The following POU6F2 variants were observed in gnomAD, a reference collection of about 807,000 sequenced individuals.
POU6F2 encodes the protein POU domain, class 6, transcription factor 2.
POU6F2 carries 31 observed loss-of-function variants against 71.3 expected under a neutral mutation model. The ratio of observed to expected loss-of-function variants is 0.43; its 90% CI spans 0.33 to 0.59. POU6F2 has a LOEUF of 0.59. Among genes scored for constraint, POU6F2 ranks in the 20% least tolerant of loss-of-function variants. The probability of loss-of-function intolerance (pLI) is 0.04; values close to 1 mark genes in which losing one functional copy is unlikely to be tolerated. For missense variants in POU6F2, 783 were observed against 856.8 expected (o/e 0.91, Z 1.07); for synonymous variants, 347 against 355.7 (o/e 0.98, Z 0.27).
intron 4 of POU6F2, among the ~76,000 whole-genome samples, chr7:39,327,678 A>G (rs1785539633): frequency 6.6e-6 from 1 of 151,998 alleles, no homozygotes; most frequent in South Asian, 2.1e-4. Context: ...TATAAAATAT[A>G]TAAATCATAT....
intron 8 of POU6F2, among the ~76,000 whole-genome samples, chr7:39,458,492 G>T (rs1273317739): frequency 6.6e-6 from 1 of 151,960 alleles, no homozygotes; most frequent in Non-Finnish European, 1.5e-5. Context: ...AAAAGGGCTC[G>T]AGACTGCGAC....
At position 39,373,341 on chromosome 7, in the gene POU6F2, T is replaced by C. The variant is rs557795172; in HGVS notation, c.973-33259T>C. On this transcript the variant is annotated intron_variant, in intron 5 of 9. Transcript: ENST00000518318. Reference sequence around the variant, plus strand: ...TCCACAGATTGTAAGTGCTAGAAGATCGACTGATTGACCTACGAGGCTGAC... The same window carrying C: ...TCCACAGATTGTAAGTGCTAGAAGACCGACTGATTGACCTACGAGGCTGAC... 4.7e-5 allele frequency: 20 copies of C among 428,606 alleles called. 1 individual carries two copies. The highest frequency in any genetic ancestry group is 3.4e-4 in the South Asian group (20 of 59,390). 26.6% of individuals were successfully genotyped at this position (428,606 alleles called of 1,614,324 possible).
intron 4 of POU6F2, among the ~76,000 whole-genome samples, chr7:39,255,433 G>A (rs536516808): frequency 6.6e-6 from 1 of 152,036 alleles, no homozygotes; most frequent in East Asian, 1.9e-4. Context: ...TTCGTGTTAC[G>A]ACTCAGGACA....
Position 39,070,643 on chromosome 7 carries a change from C to T in POU6F2, c.106-15217C>T, listed in dbSNP as rs534713584. On this transcript the variant is annotated intron_variant, in intron 1 of 9. Coordinates refer to ENST00000518318, the MANE Select transcript of POU6F2 (RefSeq NM_001370959.1). ...GAGGGCACTAAACAGGCCTCCAGCG[C>T]AGGGCCTTTCCCTCCACATGGCCTT... Among the ~76,000 whole-genome samples, 4 of 152,188 alleles carry T rather than the reference C, an allele frequency of 2.6e-5. No homozygotes were observed. The East Asian group carries it at 5.8e-4, about 22-fold the overall frequency.
intron 2 of POU6F2, among the ~76,000 whole-genome samples, chr7:39,158,513 G>A (rs926242209): frequency 2.0e-5 from 3 of 152,138 alleles, no homozygotes; most frequent in Non-Finnish European, 2.9e-5. Flanking sequence ...ATCTGCAAGC[G>A]GGATAACCAG....
At chr7:39,314,840 C>A (rs1785232441) in intron 4 of POU6F2, among the ~76,000 whole-genome samples, 1 of 151,768 alleles carries the variant, frequency 6.6e-6, no homozygotes, top group Admixed American at 6.6e-5. Flanking sequence ...CTGCTTAAGC[C>A]CAACTGAGGT....
chr7:39,039,059 A>G (rs1236188561), intron 1 of POU6F2, among the ~76,000 whole-genome samples: 1 of 152,026 alleles, frequency 6.6e-6, no homozygotes, highest in Admixed American at 6.6e-5. Flanking sequence ...AATTCACATA[A>G]GTTTTGTTGG....
chr7:39,316,395 C>T (rs1433620031), intron 4 of POU6F2, among the ~76,000 whole-genome samples: 2 of 152,096 alleles, frequency 1.3e-5, no homozygotes, highest in Admixed American at 1.3e-4. Flanking sequence ...ATCCAGGGAC[C>T]CACATGCGAA....
chr7:39,450,302 C>G (rs1046241480), intron 7 of POU6F2, among the ~76,000 whole-genome samples: 1 of 152,104 alleles, frequency 6.6e-6, no homozygotes, highest in African/African-American at 2.4e-5. Context: ...CAGGCTGATT[C>G]CTTTTTACAA....
At chr7:39,228,093 C>T (rs961291459) in intron 4 of POU6F2, among the ~76,000 whole-genome samples, 6 of 152,292 alleles carry the variant, frequency 3.9e-5, no homozygotes, top group Non-Finnish European at 8.8e-5. Context: ...TTGTTTGACT[C>T]ACAATATCTG....
intron 2 of POU6F2, among the ~76,000 whole-genome samples, chr7:39,176,952 G>C (rs1793342928): frequency 6.6e-6 from 1 of 152,168 alleles, no homozygotes; most frequent in Non-Finnish European, 1.5e-5. Context: ...CTTGCCCATA[G>C]AAAGTCACAG....
chr7:39,393,840 A>G (rs1477955873), intron 5 of POU6F2, among the ~76,000 whole-genome samples: 1 of 152,210 alleles, frequency 6.6e-6, no homozygotes, highest in Admixed American at 6.5e-5. Flanking sequence ...GATATTATGC[A>G]TAACATTTGT....
chr7:39,002,205 A>G (rs1292206414), intron 1 of POU6F2: 1 of 152,204 alleles, frequency 6.6e-6, no homozygotes, highest in African/African-American at 2.4e-5. Flanking sequence ...ATTTTCTTTG[A>G]TAGGTAATGA....
chr7:39,123,903 A>G (rs557151943), intron 2 of POU6F2, among the ~76,000 whole-genome samples: 15 of 152,232 alleles, frequency 9.9e-5, no homozygotes, highest in Non-Finnish European at 2.1e-4. Context: ...TAACAAAAGT[A>G]TTTGTATACA....
Position 39,139,934 on chromosome 7 carries a change from G to T in POU6F2, c.277+53903G>T, listed in dbSNP as rs185226290. Among the ~76,000 whole-genome samples, 507 of 152,310 alleles carry T rather than the reference G, an allele frequency of 3.3e-3. 3 individuals carry two copies. The highest frequency in any genetic ancestry group is 4.4e-3 in the Non-Finnish European group (302 of 68,022). On this transcript the variant is annotated intron_variant, in intron 2 of 9. Coordinates refer to ENST00000518318, the MANE Select transcript of POU6F2 (RefSeq NM_001370959.1). ...TGATTTGGACTAGGGTTGAAAAGTA[G>T]ATGTCAATGCCATTTTTATAGCATT...
intron 4 of POU6F2, among the ~76,000 whole-genome samples, chr7:39,231,494 A>T (rs1334503376): frequency 1.3e-5 from 2 of 152,310 alleles, no homozygotes; most frequent in African/African-American, 4.8e-5. Flanking sequence ...TGATTAAAAA[A>T]TTGCTATAAG....
chr7:39,399,442 C>G (rs1055091091), intron 5 of POU6F2, among the ~76,000 whole-genome samples: 41 of 152,208 alleles, frequency 2.7e-4, no homozygotes, highest in Admixed American at 1.8e-3. Flanking sequence ...ATTGGAGATT[C>G]CCACCATTCC....
chr7:39,309,704 T>C lies in POU6F2; in HGVS notation c.599-29938T>C, dbSNP rs557442444. 1.6e-4 allele frequency among the ~76,000 whole-genome samples: 24 copies of C among 152,358 alleles called. No homozygotes were observed. The East Asian group carries it at 1.9e-3, about 12-fold the overall frequency. On this transcript the variant is annotated intron_variant, in intron 4 of 9. Coordinates refer to ENST00000518318, the MANE Select transcript of POU6F2 (RefSeq NM_001370959.1). ...GTCATTTTTACAAGGTTACCTTTCCTGTACAATGGAGGCTTTTATCCAACA... is the reference window on the plus strand; with the variant it reads ...GTCATTTTTACAAGGTTACCTTTCCCGTACAATGGAGGCTTTTATCCAACA...
chr7:39,147,019 A>G (rs1207118361), intron 2 of POU6F2, among the ~76,000 whole-genome samples: 5 of 152,208 alleles, frequency 3.3e-5, no homozygotes, highest in East Asian at 1.9e-4. Context: ...ATACATTTCC[A>G]TATATTTCTA....
Sources: gnomAD v4.1 joint callset for allele counts (sites outside exome capture counted in the v4.1 genomes callset) on GRCh38, gnomAD v4.1.1 for gene constraint, MANE v1.5 for transcripts, NCBI Gene and HGNC (gene_info 2026-07-23, HGNC 2026-07-21) for gene names.